Variants in OR2AP1 observed in about 807,000 individuals in gnomAD.
The protein encoded by OR2AP1 is olfactory receptor family 2 subfamily AP member 1, also known as olfactory receptor 2AP1.
OR2AP1 carries 20 observed loss-of-function variants against 13.9 expected under a neutral mutation model. The observed-to-expected ratio is 1.44, with a 90% CI of 1.01 to 2.09. The LOEUF is 2.09. Among genes scored for constraint, OR2AP1 ranks in the 30% most tolerant of loss-of-function variants. The pLI is 0.00. For synonymous variants in OR2AP1, 174 were observed against 137.0 expected (o/e 1.27, Z -1.89); for missense variants, 490 against 360.6 (o/e 1.36, Z -2.91).
chr12:55,573,661 T>C (rs1874477215), intron 1 of OR2AP1, among the ~76,000 whole-genome samples: 2 of 152,180 alleles, frequency 1.3e-5, no homozygotes, highest in Non-Finnish European at 2.9e-5. Context: ...TTTAATAGAA[T>C]CTCCCTATCC....
rs1362568560 is a variant in OR2AP1, at chr12:55,574,213, T to G, written c.-195-7T>G. ...GGAAACATAATGACAAGAACTTTCC[T>G]CCATAGGGCAAATGGGACTGGGAAG... On this transcript the variant is annotated splice_region_variant and splice_polypyrimidine_tract_variant and intron_variant, in intron 1 of 1. Coordinates refer to ENST00000641114, the MANE Select transcript of OR2AP1 (RefSeq NM_001258285.2). The G allele has an allele frequency of 1.8e-6, 1 of 555,852 alleles. No homozygotes were observed. The highest frequency in any genetic ancestry group is 3.2e-6 in the Non-Finnish European group (1 of 316,536). 34.4% of individuals were successfully genotyped at this position (555,852 alleles called of 1,614,324 possible).
At chr12:55,573,594 C>A (rs190822571) in intron 1 of OR2AP1, among the ~76,000 whole-genome samples, 116 of 152,172 alleles carry the variant, frequency 7.6e-4, no homozygotes, top group Non-Finnish European at 3.5e-4. Context: ...ATTAGTAGAT[C>A]CCTGGTTTAA....
At position 55,574,618 on chromosome 12, in the gene OR2AP1, A is replaced by C. The variant is rs1393414422; in HGVS notation, c.204A>C (p.Glu68Asp). The part of the protein sequence containing the change: ...YFFLRNFSFL[E>D]ISFTNIFIPR... ...TTCTCCGGAACTTCTCCTTCTTGGAAATTTCCTTCACAAACATCTTCATTC... is the reference window on the plus strand; with the variant it reads ...TTCTCCGGAACTTCTCCTTCTTGGACATTTCCTTCACAAACATCTTCATTC... Residue 68 changes from glutamate to aspartate, a missense_variant, in exon 2 of 2, where the codon GAA becomes GAC. Transcript: ENST00000641114. 1.3e-6 allele frequency: 2 copies of C among 1,541,606 alleles called. No homozygotes were observed. Among genetic ancestry groups the C allele is most frequent in the Non-Finnish European group, 1.7e-6 (2 of 1,148,396 alleles).
Position 55,575,363 on chromosome 12 carries a change from A to C in OR2AP1, c.*19A>C, listed in dbSNP as rs530802113. 39 of 1,371,238 alleles carry C rather than the reference A, an allele frequency of 2.8e-5. No homozygotes were observed. In the South Asian group the frequency reaches 5.0e-4, roughly 18 times the overall value. The allele number at this position is 1,371,238 out of a possible 1,614,324, so 84.9% of individuals were successfully genotyped here. A position where few individuals can be genotyped will look rare whatever the true frequency, so the allele number is the denominator to read the frequency against. ...TCTTTAAAGAATTTAAGAATTATGC[A>C]TCGCGACATTATTCACAATAGCAAA... On this transcript the variant is annotated 3_prime_UTR_variant, in exon 2 of 2. Coordinates refer to ENST00000641114, the MANE Select transcript of OR2AP1 (RefSeq NM_001258285.2).
At position 55,572,617 on chromosome 12, in the gene OR2AP1, C is replaced by T. The variant is rs1483434478; in HGVS notation, c.-201C>T. The T allele has an allele frequency of 6.6e-6, 1 of 152,138 alleles. No homozygotes were observed. Among genetic ancestry groups the T allele is most frequent in the Admixed American group, 6.6e-5 (1 of 15,254 alleles). The allele number at this position is 152,138 out of a possible 1,614,324, so 9.4% of individuals were successfully genotyped here. A position where few individuals can be genotyped will look rare whatever the true frequency, so the allele number is the denominator to read the frequency against. ...TGAATATTCAACCACTCCCTGAAGACTCCAGGTTAGTAACCAGGAGGAGAG... is the reference window on the plus strand; with the variant it reads ...TGAATATTCAACCACTCCCTGAAGATTCCAGGTTAGTAACCAGGAGGAGAG... On this transcript the variant is annotated 5_prime_UTR_variant, in exon 1 of 2. Transcript: ENST00000641114.
At position 55,575,441 on chromosome 12, in the gene OR2AP1, T is replaced by A; in HGVS notation, c.*97T>A. 1.5e-6 allele frequency: 1 copy of A among 655,874 alleles called. No individual in the cohort carries two copies. Among genetic ancestry groups the A allele is most frequent in the East Asian group, 2.7e-5 (1 of 36,526 alleles). 40.6% of individuals were successfully genotyped at this position (655,874 alleles called of 1,614,324 possible). ...AATGATAGACTGGATTAAGAAAATA[T>A]GGCACATATACACCATGGAATACTA... On this transcript the variant is annotated 3_prime_UTR_variant, in exon 2 of 2. Coordinates refer to ENST00000641114, the MANE Select transcript of OR2AP1 (RefSeq NM_001258285.2).
Position 55,574,719 on chromosome 12 carries a change from C to T in OR2AP1, c.305C>T (p.Ala102Val), listed in dbSNP as rs771742216. 17 of 1,572,928 alleles carry T rather than the reference C, an allele frequency of 1.1e-5. No individual in the cohort carries two copies. In the African/African-American group the frequency reaches 1.6e-4, roughly 15 times the overall value. The change falls in exon 2 of 2, where the codon GCC (alanine) becomes GTC (valine). Residue 102 changes from alanine (A) to valine (V), a missense_variant. Transcript: ENST00000641114. ...FAGCFTQYFFAMFLGATEFYL... is the reference protein window; with the variant it reads ...FAGCFTQYFFVMFLGATEFYL... ...GGCTGCTTCACTCAGTATTTCTTTG[C>T]CATGTTCCTTGGGGCTACAGAGTTT...
At position 55,575,026 on chromosome 12, in the gene OR2AP1, C is replaced by T. The variant is rs1239292561; in HGVS notation, c.612C>T (p.Thr204=). The T allele has an allele frequency of 6.5e-7, 1 of 1,538,336 alleles. No individual in the cohort carries two copies. The highest frequency in any genetic ancestry group is 2.0e-5 in the Admixed American group (1 of 51,086). Residue 204 remains threonine, a synonymous_variant, in exon 2 of 2, where the codon ACC becomes ACT. Transcript: ENST00000641114. ...EKVVFLVASV[T]LVVTLVLVIL... ...TTGTCTTTCTTGTGGCATCTGTGAC[C>T]CTGGTGGTCACTCTGGTGCTAGTGA...
In OR2AP1 at chr12:55,573,287, T is replaced by A. The variant is rs1874468111; in HGVS notation, c.-196+665T>A. 2.6e-5 allele frequency among the ~76,000 whole-genome samples: 4 copies of A among 152,232 alleles called. No individual in the cohort carries two copies. In the South Asian group the frequency reaches 8.3e-4, roughly 32 times the overall value. Reference sequence around the variant, plus strand: ...TAAAATATATATAATTTAGAATGAATTTTAATCAAGAATGCTTTAAAGCTG... The same window carrying A: ...TAAAATATATATAATTTAGAATGAAATTTAATCAAGAATGCTTTAAAGCTG... On this transcript the variant is annotated intron_variant, in intron 1 of 1. Transcript: ENST00000641114.
At position 55,575,003 on chromosome 12, in the gene OR2AP1, G is replaced by T. The variant is rs1236574920; in HGVS notation, c.589G>T (p.Val197Phe). Residue 197 changes from valine to phenylalanine, a missense_variant, in exon 2 of 2, where the codon GTC becomes TTC. Physicochemically the swap from Val to Phe is conservative, Grantham distance 50. Transcript: ENST00000641114. ...CSDTSLIEKV[V>F]FLVASVTLVV... is the part of the protein sequence containing the mutation. ...AGACACAAGCCTCATAGAGAAGGTT[G>T]TCTTTCTTGTGGCATCTGTGACCCT... 5 of 1,537,562 alleles carry T rather than the reference G, an allele frequency of 3.3e-6. No homozygotes were observed. The African/African-American group carries it at 6.8e-5, about 21-fold the overall frequency.
Position 55,574,542 on chromosome 12 carries a change from T to C in OR2AP1, c.128T>C (p.Ile43Thr). 3 of 1,539,178 alleles carry C rather than the reference T, an allele frequency of 1.9e-6. No homozygotes were observed. The highest frequency in any genetic ancestry group is 2.6e-6 in the Non-Finnish European group (3 of 1,147,894). ...YLLSILGNLTILILTLLDSHL... is the reference protein window; with the variant it reads ...YLLSILGNLTTLILTLLDSHL... ...CTCAGCATCCTTGGAAATCTGACTA[T>C]CCTCATCCTCACCTTGCTGGACTCC... The change falls in exon 2 of 2, where the codon ATC becomes ACC. Residue 43 changes from isoleucine to threonine, a missense_variant. Coordinates refer to ENST00000641114, the MANE Select transcript of OR2AP1 (RefSeq NM_001258285.2).
chr12:55,572,502 T>A lies in OR2AP1; in HGVS notation c.-316T>A, dbSNP rs1874447688. 1 of 152,212 alleles carries A rather than the reference T, an allele frequency of 6.6e-6. No homozygotes were observed. Among genetic ancestry groups the A allele is most frequent in the Non-Finnish European group, 1.5e-5 (1 of 68,036 alleles). 9.4% of individuals were successfully genotyped at this position (152,212 alleles called of 1,614,324 possible). A position where few individuals can be genotyped will look rare whatever the true frequency, so the allele number is the denominator to read the frequency against. Reference sequence around the variant, plus strand: ...GGATTAAAATCTCACAATAGTCATTTGGATAGTCAAGTCAGGAAGTATGTT... The same window carrying A: ...GGATTAAAATCTCACAATAGTCATTAGGATAGTCAAGTCAGGAAGTATGTT... On this transcript the variant is annotated 5_prime_UTR_variant, in exon 1 of 2. Transcript: ENST00000641114.
In OR2AP1 at chr12:55,575,100, C is replaced by T. The variant is rs775423878; in HGVS notation, c.686C>T (p.Ala229Val). 3.8e-6 allele frequency: 6 copies of T among 1,577,682 alleles called. No individual in the cohort carries two copies. In the East Asian group the frequency reaches 1.1e-4, roughly 30 times the overall value. The change falls in exon 2 of 2, where the codon GCC (alanine) becomes GTC (valine). Residue 229 changes from alanine (A) to valine (V), a missense_variant. Coordinates refer to ENST00000641114, the MANE Select transcript of OR2AP1 (RefSeq NM_001258285.2). Reference protein sequence around the residue: ...IIKTILKLPSAQQRTKAFSTC... With the variant: ...IIKTILKLPSVQQRTKAFSTC... ...AAGACTATTCTGAAGCTCCCCTCTG[C>T]CCAACAAAGGACAAAAGCCTTTTCC...
chr12:55,572,962 C>G (rs1450404052), intron 1 of OR2AP1, among the ~76,000 whole-genome samples: 1 of 152,008 alleles, frequency 6.6e-6, no homozygotes, highest in African/African-American at 2.4e-5. Flanking sequence ...CATTTGAGCC[C>G]AGGAGTTCAA....
Position 55,574,765 on chromosome 12 carries a change from C to T in OR2AP1, c.351C>T (p.Ser117=), listed in dbSNP as rs1216551672. The T allele has an allele frequency of 3.1e-6, 5 of 1,604,540 alleles. No individual in the cohort carries two copies. In the Admixed American group the frequency reaches 8.5e-5, roughly 27 times the overall value. The change falls in exon 2 of 2, where the codon TCC becomes TCT. Residue 117 remains serine, a synonymous_variant. Coordinates refer to ENST00000641114, the MANE Select transcript of OR2AP1 (RefSeq NM_001258285.2). ...AGTTTTACCTTCTGGCTGCCATGTCCTATGACCGCTATGTGGCCATCTGCA... is the reference window on the plus strand; with the variant it reads ...AGTTTTACCTTCTGGCTGCCATGTCTTATGACCGCTATGTGGCCATCTGCA... ...ATEFYLLAAM[S]YDRYVAICKP... is the part of the protein sequence containing the mutation.
Position 55,574,585 on chromosome 12 carries a change from G to A in OR2AP1, c.171G>A (p.Met57Ile), listed in dbSNP as rs745970983. The A allele has an allele frequency of 3.3e-5, 51 of 1,540,420 alleles. No homozygotes were observed. The highest frequency in any genetic ancestry group is 4.1e-5 in the African/African-American group (3 of 73,028). Reference protein sequence around the residue: ...TLLDSHLQTPMYFFLRNFSFL... With the variant: ...TLLDSHLQTPIYFFLRNFSFL... ...TGGACTCCCACCTTCAGACTCCCATGTATTTCTTTCTCCGGAACTTCTCCT... is the reference window on the plus strand; with the variant it reads ...TGGACTCCCACCTTCAGACTCCCATATATTTCTTTCTCCGGAACTTCTCCT... Residue 57 changes from methionine to isoleucine, a missense_variant, in exon 2 of 2, where the codon ATG becomes ATA. Met to Ile is a conservative substitution (Grantham distance 10). Coordinates refer to ENST00000641114, the MANE Select transcript of OR2AP1 (RefSeq NM_001258285.2).
chr12:55,574,363 A>G lies in OR2AP1; in HGVS notation c.-52A>G. 1.1e-6 allele frequency: 1 copy of G among 929,410 alleles called. No individual in the cohort carries two copies. Among genetic ancestry groups the G allele is most frequent in the Non-Finnish European group, 1.6e-6 (1 of 630,166 alleles). The allele number at this position is 929,410 out of a possible 1,614,324, so 57.6% of individuals were successfully genotyped here. ...ATTTCAGAGCACCTCTTCCTTTCTC[A>G]CTTTTGATTACTACTCTCTTTTTCA... On this transcript the variant is annotated 5_prime_UTR_variant, in exon 2 of 2. Transcript: ENST00000641114.
chr12:55,575,285 A>G lies in OR2AP1; in HGVS notation c.871A>G (p.Arg291Gly), dbSNP rs1874537336. 1 of 1,535,532 alleles carries G rather than the reference A, an allele frequency of 6.5e-7. No individual in the cohort carries two copies. The highest frequency in any genetic ancestry group is 1.4e-5 in the African/African-American group (1 of 73,078). ...PLLNPFIYTL[R>G]NQQVKQPFKD... The stretch of plus-strand genomic sequence containing the variant: ...GTTGAACCCCTTTATTTACACCCTA[A>G]GGAACCAACAGGTAAAACAACCCTT... The change falls in exon 2 of 2, where the codon AGG becomes GGG. Residue 291 changes from arginine (R) to glycine (G), a missense_variant. Arg to Gly is a moderately radical substitution (Grantham distance 125, BLOSUM62 -2). Coordinates refer to ENST00000641114, the MANE Select transcript of OR2AP1 (RefSeq NM_001258285.2).
Position 55,574,374 on chromosome 12 carries a change from C to T in OR2AP1, c.-41C>T. 9.6e-7 allele frequency: 1 copy of T among 1,045,356 alleles called. No individual in the cohort carries two copies. Among genetic ancestry groups the T allele is most frequent in the Non-Finnish European group, 1.4e-6 (1 of 728,480 alleles). 64.8% of individuals were successfully genotyped at this position (1,045,356 alleles called of 1,614,324 possible). ...CCTCTTCCTTTCTCACTTTTGATTA[C>T]TACTCTCTTTTTCACTTTGAGACTC... On this transcript the variant is annotated 5_prime_UTR_variant, in exon 2 of 2. Transcript: ENST00000641114.
Sources: allele counts gnomAD v4.1 joint callset (sites outside exome capture counted in the v4.1 genomes callset), GRCh38; gene constraint gnomAD v4.1.1; transcripts MANE v1.5; gene names NCBI Gene and HGNC (gene_info 2026-07-23, HGNC 2026-07-21).